Variants in SDK2 observed in about 807,000 individuals in gnomAD.
The protein encoded by SDK2 is sidekick cell adhesion molecule 2.
In SDK2, 105 loss-of-function variants were observed where a neutral mutation model predicts 253.9. That is an observed-to-expected ratio of 0.41 (90% CI 0.35 to 0.49). The LOEUF is 0.49. SDK2 is among the 20% of genes least tolerant of loss of function. The probability of loss-of-function intolerance (pLI) is 0.06; values close to 1 mark genes in which losing one functional copy is unlikely to be tolerated. For synonymous variants in SDK2, 1,249 were observed against 1,234.9 expected, an observed-to-expected ratio of 1.01 and a Z score of -0.24; for missense variants, 2,608 against 3,003.0, an observed-to-expected ratio of 0.87 and a Z score of 3.07.
At position 73,435,635 on chromosome 17, in the gene SDK2, G is replaced by A. The variant is rs755339102; in HGVS notation, c.1010C>T (p.Pro337Leu). The change falls in exon 9 of 45, where the codon CCG (proline) becomes CTG (leucine). Residue 337 changes from proline (P) to leucine (L), a missense_variant. Transcript: ENST00000392650. This position sits in a 1 kb window ranked among gnomAD's most constrained non-coding sequence, Gnocchi z 5.7. ...GTCCTTGTACCAGGTGATGGAGGGC[G>A]GCGGCACACCTGTGGGCAAGACGTG... ...DIPCQAKGVP[P>L]PSITWYKDAA... The A allele has an allele frequency of 1.2e-5, 18 of 1,562,602 alleles. 2 individuals carry two copies. In the South Asian group the frequency reaches 1.2e-4, roughly 10 times the overall value.
chr17:73,487,255 T>C (rs2063775441), intron 2 of SDK2, among the ~76,000 whole-genome samples: 1 of 152,090 alleles, frequency 6.6e-6, no homozygotes, highest in East Asian at 1.9e-4. Context: ...TTTGTACAGG[T>C]GCTATCTACA....
rs758781991 is a variant in SDK2, at chr17:73,618,748, A to G, written c.64+25277T>C. 3.3e-5 allele frequency among the ~76,000 whole-genome samples: 5 copies of G among 152,186 alleles called. No individual in the cohort carries two copies. Among genetic ancestry groups the G allele is most frequent in the Non-Finnish European group, 5.9e-5 (4 of 68,028 alleles). On this transcript the variant is annotated intron_variant, in intron 1 of 44. Transcript: ENST00000392650. This position sits in a 1 kb window ranked among gnomAD's most constrained non-coding sequence, Gnocchi z 4.1. The stretch of plus-strand genomic sequence containing the variant: ...CCCCTGCCATCCTCACGGCCAAGGA[A>G]AGCAATGCCAGGAATAAAGGCGATG...
intron 1 of SDK2, among the ~76,000 whole-genome samples, chr17:73,528,164 G>A (rs958152757): frequency 2.0e-5 from 3 of 152,126 alleles, no homozygotes; most frequent in African/African-American, 7.2e-5. Context: ...GGAGGGGTGT[G>A]GAGCCATCAG....
At chr17:73,547,007 C>G (rs185070633) in intron 1 of SDK2, among the ~76,000 whole-genome samples, 1 of 152,210 alleles carries the variant, frequency 6.6e-6, no homozygotes, top group Non-Finnish European at 1.5e-5. Flanking sequence ...GACTCTGGAG[C>G]CAGGCACTGA....
chr17:73,385,995 G>T (rs1450519606), intron 31 of SDK2, 78 bp from the exon 32 acceptor site: 2 of 1,058,304 alleles, frequency 1.9e-6, no homozygotes, highest in Admixed American at 4.7e-5. Context: ...ACCAGATTCT[G>T]CTAATACTGG....
In SDK2 at chr17:73,379,125, C is replaced by T. The variant is rs1193083568; in HGVS notation, c.4980+52G>A. ...CACATATCACTCACTCCCCAGCCTC[C>T]GACCTGGCTTCTCATCCGTGCACCC... On this transcript the variant is annotated intron_variant, in intron 36 of 44. Coordinates refer to ENST00000392650, the MANE Select transcript of SDK2 (RefSeq NM_001144952.2). The surrounding 1 kb of genome is among the most constrained non-coding windows in gnomAD (Gnocchi z 4.5). 1.9e-5 allele frequency: 27 copies of T among 1,384,976 alleles called. 1 individual carries two copies. The highest frequency in any genetic ancestry group is 1.6e-4 in the South Asian group (13 of 79,272). The allele number at this position is 1,384,976 out of a possible 1,614,324, so 85.8% of individuals were successfully genotyped here.
At chr17:73,575,689 T>C (rs763606948) in intron 1 of SDK2, among the ~76,000 whole-genome samples, 97 of 152,260 alleles carry the variant, frequency 6.4e-4, no homozygotes, top group Non-Finnish European at 1.3e-3. Flanking sequence ...GCAAGTAAGA[T>C]ATGATTGTTG....
chr17:73,592,045 G>A (rs1399791748), intron 1 of SDK2, among the ~76,000 whole-genome samples: 2 of 152,180 alleles, frequency 1.3e-5, no homozygotes, highest in Non-Finnish European at 2.9e-5. Flanking sequence ...TGATCTCTGC[G>A]GTCCCCTTCA....
Position 73,642,389 on chromosome 17 carries a change from C to T in SDK2, c.64+1636G>A, listed in dbSNP as rs1022458934. On this transcript the variant is annotated intron_variant, in intron 1 of 44. Transcript: ENST00000392650. The surrounding 1 kb of genome is among the most constrained non-coding windows in gnomAD (Gnocchi z 4.7). ...CAGATGCTGGCATCCCGTCCCTCCA[C>T]GCCGTCCAGGCTTTTGGCTAGTAAC... Among the ~76,000 whole-genome samples the T allele has an allele frequency of 1.3e-5, 2 of 152,238 alleles. No homozygotes were observed. Among genetic ancestry groups the T allele is most frequent in the African/African-American group, 2.4e-5 (1 of 41,468 alleles).
intron 1 of SDK2, among the ~76,000 whole-genome samples, chr17:73,533,273 C>T (rs1001880659): frequency 2.0e-5 from 3 of 152,242 alleles, no homozygotes; most frequent in African/African-American, 7.2e-5. Flanking sequence ...CACAGGTGGG[C>T]GTGCAGCCAG....
rs533995338 is a variant in SDK2, at chr17:73,358,341, C to T, written c.5468-137G>A. 1.3e-4 allele frequency: 150 copies of T among 1,192,982 alleles called. No homozygotes were observed. The African/African-American group carries it at 1.8e-3, about 14-fold the overall frequency. The allele number at this position is 1,192,982 out of a possible 1,614,324, so 73.9% of individuals were successfully genotyped here. A position where few individuals can be genotyped will look rare whatever the true frequency, so the allele number is the denominator to read the frequency against. Reference sequence around the variant, plus strand: ...AGCCGCCAGGAAGCCCTGCAAATGTCGCGGCCTGAGAGTACATCTCAGGCT... The same window carrying T: ...AGCCGCCAGGAAGCCCTGCAAATGTTGCGGCCTGAGAGTACATCTCAGGCT... On this transcript the variant is annotated intron_variant, in intron 39 of 44. Transcript: ENST00000392650.
chr17:73,394,394 G>C, intron 25 of SDK2, 70 bp from the exon 26 acceptor site: 1 of 1,017,532 alleles, frequency 9.8e-7, no homozygotes, highest in East Asian at 3.0e-5. Flanking sequence ...AAGTGGACCA[G>C]GACAGGGGGC....
chr17:73,429,081 TA>T (rs1416763834), intron 12 of SDK2, among the ~76,000 whole-genome samples: 1 of 152,328 alleles, frequency 6.6e-6, no homozygotes, highest in Non-Finnish European at 1.5e-5. Flanking sequence ...CTTTCTCAAA[TA>T]AGTTGACACT....
At chr17:73,438,946 C>T (rs928852331) in intron 6 of SDK2, among the ~76,000 whole-genome samples, 15 of 152,276 alleles carry the variant, frequency 9.9e-5, no homozygotes, top group Admixed American at 8.5e-4. Flanking sequence ...GTTTCTTCAT[C>T]GAGGGGCTTC....
rs760837836 is a variant in SDK2 at position 73,447,683 on chromosome 17, T to C, written c.545A>G (p.Tyr182Cys). ...GTTTTTGTCGTTAACAGCCTGCACA[T>C]AGTAGCGACCTGCGTCAGGGGCCAC... ...STVAPDAGRY[Y>C]VQAVNDKNGD... The change falls in exon 5 of 45, where the codon TAT becomes TGT. Residue 182 changes from tyrosine (Y) to cysteine (C), a missense_variant. This residue lies in a region of SDK2 where 1,505 missense variants were observed against 1,859.1 expected (regional missense o/e 0.81). Coordinates refer to ENST00000392650, the MANE Select transcript of SDK2 (RefSeq NM_001144952.2). The surrounding 1 kb of genome is among the most constrained non-coding windows in gnomAD (Gnocchi z 4.0). 157 of 1,551,632 alleles carry C rather than the reference T, an allele frequency of 1.0e-4. No homozygotes were observed. The highest frequency in any genetic ancestry group is 1.6e-4 in the Admixed American group (8 of 50,990).
rs569697470 is a variant in SDK2 at position 73,383,682 on chromosome 17, C to T, written c.4705+194G>A. ...ATCATTGGTGTGCCCCACAGTGACT[C>T]GGGGCCCATAGAAGGTGCTCAGTAA... On this transcript the variant is annotated intron_variant, in intron 33 of 44. Coordinates refer to ENST00000392650, the MANE Select transcript of SDK2 (RefSeq NM_001144952.2). This position sits in a 1 kb window ranked among gnomAD's most constrained non-coding sequence, Gnocchi z 4.3. Among the ~76,000 whole-genome samples the T allele has an allele frequency of 4.3e-4, 66 of 152,260 alleles. No homozygotes were observed. Among genetic ancestry groups the T allele is most frequent in the Non-Finnish European group, 1.6e-4 (11 of 68,024 alleles).
At chr17:73,477,889 C>T (rs919293819) in intron 2 of SDK2, among the ~76,000 whole-genome samples, 1 of 152,220 alleles carries the variant, frequency 6.6e-6, no homozygotes, top group African/African-American at 2.4e-5. Context: ...CTCTATTCAA[C>T]GAGGAAGAGC....
intron 14 of SDK2, among the ~76,000 whole-genome samples, chr17:73,423,041 A>AATAAATAAATAG (rs61207815): frequency 0.69 from 104,655 of 151,338 alleles, 37,479 homozygotes; most frequent in Non-Finnish European, 0.78. Context: ...TAAATAAATA[A>AATAAATAAATAG]ATAATAAATA....
intron 2 of SDK2, among the ~76,000 whole-genome samples, chr17:73,491,374 CTT>C (rs536017346): frequency 1.1e-4 from 15 of 133,912 alleles, no homozygotes; most frequent in Non-Finnish European, 1.3e-4. Context: ...TGTTTTTTGG[CTT>C]TTTTTTTTTT....
Sources: allele counts gnomAD v4.1 joint callset (sites outside exome capture counted in the v4.1 genomes callset), GRCh38; gene constraint gnomAD v4.1.1; regional missense constraint gnomAD v4.1.1; non-coding constraint Gnocchi (gnomAD v3.1); transcripts MANE v1.5; gene names NCBI Gene and HGNC (gene_info 2026-07-23, HGNC 2026-07-21).